Variants in LAMC3 observed in about 807,000 individuals in gnomAD.
The protein encoded by LAMC3 is laminin subunit gamma-3.
Under a neutral mutation model 173.8 loss-of-function variants are expected in LAMC3, and 128 were observed. The ratio of observed to expected loss-of-function variants is 0.74; its 90% confidence interval spans 0.64 to 0.85. LAMC3 has a LOEUF of 0.85. LAMC3 is among the 40% of genes least tolerant of loss of function. LAMC3 has a pLI of 0.00. For missense variants in LAMC3, 2,022 were observed against 2,156.0 expected, an observed-to-expected ratio of 0.94 and a Z score of 1.23; for synonymous variants, 897 against 909.1, an observed-to-expected ratio of 0.99 and a Z score of 0.24.
chr9:131,057,457 T>C (rs545721167), intron 12 of LAMC3, among the ~76,000 whole-genome samples: 1 of 152,318 alleles, frequency 6.6e-6, no homozygotes, highest in East Asian at 1.9e-4. Context: ...CTGGCCCTTT[T>C]CCCAGGAAGG....
chr9:131,074,710 A>T (rs1310655443), intron 20 of LAMC3, among the ~76,000 whole-genome samples: 1 of 151,958 alleles, frequency 6.6e-6, no homozygotes, highest in Non-Finnish European at 1.5e-5. Flanking sequence ...AAAAAAAAAA[A>T]AAAAAAGACG....
chr9:131,062,347 G>A (rs1829846519), intron 13 of LAMC3, among the ~76,000 whole-genome samples: 1 of 151,812 alleles, frequency 6.6e-6, no homozygotes, highest in Non-Finnish European at 1.5e-5. Context: ...GGCAACAAGA[G>A]TGAAACTCTG....
intron 3 of LAMC3, among the ~76,000 whole-genome samples, chr9:131,033,871 A>G (rs144650111): frequency 0.015 from 2,263 of 152,174 alleles, 24 homozygotes; most frequent in Non-Finnish European, 0.022. Context: ...CTTGGGTGGC[A>G]TTAGAGAGAT....
chr9:131,085,195 A>G (rs984113746), intron 24 of LAMC3, among the ~76,000 whole-genome samples: 3 of 152,200 alleles, frequency 2.0e-5, no homozygotes, highest in African/African-American at 7.2e-5. Context: ...GTACATGAAA[A>G]TGCCGAGCTG....
Position 131,051,365 on chromosome 9 carries a change from C to CTTTTTTT in LAMC3, c.1631-1115_1631-1109dup, listed in dbSNP as rs58477043. Among the ~76,000 whole-genome samples the CTTTTTTT allele has an allele frequency of 4.7e-5, 6 of 126,826 alleles. 1 individual carries two copies. The highest frequency in any genetic ancestry group is 3.2e-5 in the Non-Finnish European group (2 of 62,886). 83.2% of individuals were successfully genotyped at this position (126,826 alleles called of 152,430 possible). On this transcript the variant is annotated intron_variant, in intron 9 of 27. Transcript: ENST00000361069. The stretch of plus-strand genomic sequence containing the variant: ...AGTTATTAGCATGAATTTTACCATT[C>CTTTTTTT]TTTTTTTTTTTTTTTTTGAGACGGA...
chr9:131,079,876 C>T (rs1352622815), intron 23 of LAMC3, among the ~76,000 whole-genome samples: 2 of 152,166 alleles, frequency 1.3e-5, no homozygotes, highest in African/African-American at 4.8e-5. Context: ...CATTCTCTCT[C>T]ATGCCTCCAT....
chr9:131,070,790 A>T (rs984759671), intron 17 of LAMC3, among the ~76,000 whole-genome samples: 5 of 152,210 alleles, frequency 3.3e-5, no homozygotes, highest in Non-Finnish European at 7.3e-5. Context: ...AGTCAAGCCC[A>T]GTGATATTTA....
chr9:131,056,954 G>A lies in LAMC3; in HGVS notation c.1965G>A (p.Arg655=), dbSNP rs371327214. The A allele has an allele frequency of 1.3e-5, 21 of 1,613,136 alleles. No homozygotes were observed. The highest frequency in any genetic ancestry group is 1.5e-5 in the Non-Finnish European group (18 of 1,180,024). The change falls in exon 12 of 28, where the codon CGG becomes CGA. Residue 655 remains arginine, a synonymous_variant. Coordinates refer to ENST00000361069, the MANE Select transcript of LAMC3 (RefSeq NM_006059.4). ...GTCCAGTGTTCCTGACTGAGGTCCG[G>A]CTCACATCCGCCCGGCCAGGGCTTT... ...PAGPVFLTEV[R]LTSARPGLSP...
At chr9:131,076,084 TTG>T in intron 21 of LAMC3, 119 bp downstream of exon 21, 1 of 1,058,010 alleles carries the variant, frequency 9.5e-7, no homozygotes, top group East Asian at 2.6e-5. Context: ...TTCTTTGTCG[TTG>T]GTGTCTTGGG....
intron 13 of LAMC3, among the ~76,000 whole-genome samples, chr9:131,062,584 T>G (rs1829851698): frequency 6.6e-6 from 1 of 151,688 alleles, no homozygotes; most frequent in Non-Finnish European, 1.5e-5. Flanking sequence ...AATGTGTTGT[T>G]GAGGCCAGGC....
intron 11 of LAMC3, among the ~76,000 whole-genome samples, chr9:131,055,446 A>T (rs1834382216): frequency 9.6e-6 from 1 of 104,646 alleles, no homozygotes; most frequent in Non-Finnish European, 1.9e-5. Flanking sequence ...TTTTTTTGAG[A>T]CGGAGTCTTG....
chr9:131,067,051 C>G lies in LAMC3; in HGVS notation c.2439C>G (p.Ser813Arg), dbSNP rs61637370. 1,644 of 1,614,098 alleles carry G rather than the reference C, an allele frequency of 1.0e-3. 16 individuals carry two copies. The African/African-American group carries it at 0.019, about 19-fold the overall frequency. Residue 813 changes from serine to arginine, a missense_variant, in exon 14 of 28, where the codon AGC becomes AGG. By Grantham distance (110) the Ser-to-Arg change is moderately radical. Transcript: ENST00000361069. ...HPQPCHQCQC[S>R]GNVDPNAVGN... is the part of the protein sequence containing the mutation. ...AGCCCTGCCACCAGTGCCAGTGTAGCGGGAACGTGGACCCCAATGCCGTGG... is the reference window on the plus strand; with the variant it reads ...AGCCCTGCCACCAGTGCCAGTGTAGGGGGAACGTGGACCCCAATGCCGTGG...
chr9:131,082,323 C>A (rs1188375779), intron 24 of LAMC3, among the ~76,000 whole-genome samples, 162 bp downstream of exon 24: 2 of 152,206 alleles, frequency 1.3e-5, no homozygotes, highest in Admixed American at 1.3e-4. Context: ...GGATCCTGCC[C>A]CATCTCATAC....
At position 131,009,883 on chromosome 9, in the gene LAMC3, G is replaced by C. The variant is rs1833381021; in HGVS notation, c.373+296G>C. Among the ~76,000 whole-genome samples, 1 of 152,028 alleles carries C rather than the reference G, an allele frequency of 6.6e-6. No homozygotes were observed. Among genetic ancestry groups the C allele is most frequent in the South Asian group, 2.1e-4 (1 of 4,816 alleles). On this transcript the variant is annotated intron_variant, in intron 1 of 27. Coordinates refer to ENST00000361069, the MANE Select transcript of LAMC3 (RefSeq NM_006059.4). This position sits in a 1 kb window ranked among gnomAD's most constrained non-coding sequence, Gnocchi z 4.3. ...AATAAAGAAAAATAGGCCGGGCGCG[G>C]TGGCTGACGTCTGTAATCCCAGCAC...
At chr9:131,034,552 C>T (rs1211744705) in intron 3 of LAMC3, among the ~76,000 whole-genome samples, 3 of 152,006 alleles carry the variant, frequency 2.0e-5, no homozygotes, top group Admixed American at 6.5e-5. Flanking sequence ...TCAGGGTCCA[C>T]GTGGAGTCGA....
Position 131,086,575 on chromosome 9 carries a change from C to CTTTT in LAMC3, c.4230+861_4230+864dup, listed in dbSNP as rs778812487. On this transcript the variant is annotated intron_variant, in intron 25 of 27. Transcript: ENST00000361069. ...GGTGTGTGCCACTGTGCCTGGCTAA[C>CTTTT]TTTTTTTTTTTTGCAGAGATGAGGA... Among the ~76,000 whole-genome samples the CTTTT allele has an allele frequency of 6.7e-3, 615 of 92,476 alleles. 52 individuals are homozygous for CTTTT. Among genetic ancestry groups the CTTTT allele is most frequent in the African/African-American group, 0.027 (587 of 21,418 alleles). The allele number at this position is 92,476 out of a possible 152,430, so 60.7% of individuals were successfully genotyped here.
At position 131,052,979 on chromosome 9, in the gene LAMC3, A is replaced by G. The variant is rs754071660; in HGVS notation, c.1939+14A>G. ...CCAGCCCTGCCGGTCAGTAAAGACA[A>G]CCACATGCCCAAGACCCGAGTGCTT... is the stretch of plus-strand genomic sequence containing the variant. On this transcript the variant is annotated intron_variant, in intron 11 of 27. Transcript: ENST00000361069. The G allele has an allele frequency of 3.5e-5, 55 of 1,580,940 alleles. No individual in the cohort carries two copies. Among genetic ancestry groups the G allele is most frequent in the Non-Finnish European group, 4.7e-5 (54 of 1,152,594 alleles).
Position 131,079,041 on chromosome 9 carries a change from CA to C in LAMC3, c.3778-107del, listed in dbSNP as rs1338695228. 2.9e-6 allele frequency: 4 copies of C among 1,403,118 alleles called. No homozygotes were observed. The Admixed American group carries it at 5.9e-5, about 21-fold the overall frequency. 86.9% of individuals were successfully genotyped at this position (1,403,118 alleles called of 1,614,324 possible). A position where few individuals can be genotyped will look rare whatever the true frequency, so the allele number is the denominator to read the frequency against. On this transcript the variant is annotated intron_variant, in intron 22 of 27. Transcript: ENST00000361069. ...GGGGCTTGGGTTCTTGGCTGGCAGCCAGGGGCAGACCCGCCGCCTCAGCCCA... is the reference window on the plus strand; with the variant it reads ...GGGGCTTGGGTTCTTGGCTGGCAGCCGGGGCAGACCCGCCGCCTCAGCCCA...
chr9:131,012,471 G>A (rs572687142), intron 1 of LAMC3, among the ~76,000 whole-genome samples: 1 of 152,346 alleles, frequency 6.6e-6, no homozygotes, highest in South Asian at 2.1e-4. Context: ...CAGGGCTGAG[G>A]CTCCCTTGCG....
Sources: allele counts gnomAD v4.1 joint callset (sites outside exome capture counted in the v4.1 genomes callset), GRCh38; gene constraint gnomAD v4.1.1; non-coding constraint Gnocchi (gnomAD v3.1); transcripts MANE v1.5; gene names NCBI Gene and HGNC (gene_info 2026-07-23, HGNC 2026-07-21).